Variants in TXNDC16 observed in about 807,000 individuals in gnomAD.
TXNDC16 encodes the protein thioredoxin domain containing 16.
In TXNDC16, 74 loss-of-function variants were observed where a neutral mutation model predicts 85.6. That is an observed-to-expected ratio of 0.86 (90% CI 0.72 to 1.05). The LOEUF (loss-of-function observed/expected upper bound fraction) is 1.05, where lower values mean the gene tolerates loss of function less well. Ranked by LOEUF, TXNDC16 falls within the 50% of genes least tolerant of loss-of-function variation. TXNDC16 has a pLI of 0.00. For synonymous variants in TXNDC16, 335 were observed against 326.5 expected, an observed-to-expected ratio of 1.03 and a Z score of -0.28; for missense variants, 959 against 947.0, an observed-to-expected ratio of 1.01 and a Z score of -0.17.
intron 14 of TXNDC16, among the ~76,000 whole-genome samples, chr14:52,479,999 A>G (rs1199322033): frequency 6.6e-6 from 1 of 152,200 alleles, no homozygotes; most frequent in Non-Finnish European, 1.5e-5. Context: ...TAGAGAACTC[A>G]GAAATAAACC....
chr14:52,466,530 G>A (rs949648188), intron 16 of TXNDC16, among the ~76,000 whole-genome samples: 29 of 151,604 alleles, frequency 1.9e-4, no homozygotes, highest in African/African-American at 7.0e-4. Context: ...CTCTAGTCCT[G>A]GAGAAAATAC....
chr14:52,491,012 T>TTA lies in TXNDC16; in HGVS notation c.757-8_757-7insTA. 23 of 1,369,764 alleles carry TTA rather than the reference T, an allele frequency of 1.7e-5. No homozygotes were observed. The highest frequency in any genetic ancestry group is 1.9e-4 in the Middle Eastern group (1 of 5,146). 84.9% of individuals were successfully genotyped at this position (1,369,764 alleles called of 1,614,324 possible). A position where few individuals can be genotyped will look rare whatever the true frequency, so the allele number is the denominator to read the frequency against. On this transcript the variant is annotated splice_region_variant and splice_polypyrimidine_tract_variant and intron_variant, in intron 9 of 20. Transcript: ENST00000281741. ...GATCTTCAGCAACTTCAGTCTTCAT[T>TTA]GAAAAAAAAAAAAAAAAAAGGTGTG...
At position 52,431,932 on chromosome 14, in the gene TXNDC16, C is replaced by A; in HGVS notation, c.*372G>T. Reference sequence around the variant, plus strand: ...ACTGAACTGTCCAATACAGTAGTCACAGGCCACATGTGGCAAGGAACACTT... The same window carrying A: ...ACTGAACTGTCCAATACAGTAGTCAAAGGCCACATGTGGCAAGGAACACTT... On this transcript the variant is annotated 3_prime_UTR_variant, in exon 21 of 21. Coordinates refer to ENST00000281741, the MANE Select transcript of TXNDC16 (RefSeq NM_020784.3). 5.6e-6 allele frequency: 1 copy of A among 178,034 alleles called. No homozygotes were observed. The highest frequency in any genetic ancestry group is 1.4e-4 in the South Asian group (1 of 7,004). The allele number at this position is 178,034 out of a possible 1,614,324, so 11.0% of individuals were successfully genotyped here. A position where few individuals can be genotyped will look rare whatever the true frequency, so the allele number is the denominator to read the frequency against.
At chr14:52,537,546 A>G (rs1214301093) in intron 5 of TXNDC16, 53 bp downstream of exon 5, 12 of 1,246,866 alleles carry the variant, frequency 9.6e-6, no homozygotes, top group Non-Finnish European at 1.4e-5. Context: ...ATATTTGAAT[A>G]TTCTAGAAGT....
intron 4 of TXNDC16, among the ~76,000 whole-genome samples, chr14:52,538,337 G>A (rs1359818916): frequency 6.6e-6 from 1 of 152,132 alleles, no homozygotes; most frequent in Non-Finnish European, 1.5e-5. Flanking sequence ...CAGAAAGAAT[G>A]AACTAAGTCA....
chr14:52,449,517 C>A (rs1354320340), intron 18 of TXNDC16, among the ~76,000 whole-genome samples: 1 of 152,104 alleles, frequency 6.6e-6, no homozygotes, highest in Non-Finnish European at 1.5e-5. Flanking sequence ...TTTCAACAAC[C>A]CACTTTCAGC....
At chr14:52,514,254 C>G (rs1424177680) in intron 8 of TXNDC16, among the ~76,000 whole-genome samples, 2 of 152,068 alleles carry the variant, frequency 1.3e-5, no homozygotes, top group African/African-American at 4.8e-5. Context: ...CCTGAGAGGT[C>G]AGCAGGAGAG....
intron 1 of TXNDC16, among the ~76,000 whole-genome samples, chr14:52,548,149 T>A (rs2037977035): frequency 6.6e-6 from 1 of 152,200 alleles, no homozygotes. Flanking sequence ...TCCCAACTGA[T>A]CCAGTGTAAA....
Position 52,432,135 on chromosome 14 carries a change from C to G in TXNDC16, c.*169G>C, listed in dbSNP as rs2034912501. ...AATTATTTTGCCCTGCTCACTTTTA[C>G]TTTGTTTAATGTAGTTACTAGAAAA... On this transcript the variant is annotated 3_prime_UTR_variant, in exon 21 of 21. Coordinates refer to ENST00000281741, the MANE Select transcript of TXNDC16 (RefSeq NM_020784.3). The G allele has an allele frequency of 1.8e-6, 1 of 546,264 alleles. No homozygotes were observed. The highest frequency in any genetic ancestry group is 2.0e-5 in the African/African-American group (1 of 50,860). The allele number at this position is 546,264 out of a possible 1,614,324, so 33.8% of individuals were successfully genotyped here.
chr14:52,482,929 C>G lies in TXNDC16; in HGVS notation c.1145G>C (p.Arg382Thr). 6.2e-7 allele frequency: 1 copy of G among 1,610,470 alleles called. No individual in the cohort carries two copies. Among genetic ancestry groups the G allele is most frequent in the Non-Finnish European group, 8.5e-7 (1 of 1,179,244 alleles). ...CAAAGGTAATTTTCTCTTCCTATCTCTGAAAACAGTTTCTGCCACTTCATC... is the reference window on the plus strand; with the variant it reads ...CAAAGGTAATTTTCTCTTCCTATCTGTGAAAACAGTTTCTGCCACTTCATC... The part of the protein sequence containing the change: ...QDDEVAETVF[R>T]DRKRKLPLEL... Residue 382 changes from arginine to threonine, a missense_variant, in exon 13 of 21, where the codon AGA becomes ACA. By Grantham distance (71) the Arg-to-Thr change is moderately conservative (BLOSUM62 -1). Coordinates refer to ENST00000281741, the MANE Select transcript of TXNDC16 (RefSeq NM_020784.3).
chr14:52,491,033 G>C, intron 9 of TXNDC16, 28 bp from the exon 10 acceptor site: 1 of 1,428,454 alleles, frequency 7.0e-7, no homozygotes, highest in East Asian at 2.4e-5. Context: ...AAAAAAAAAG[G>C]TGTGATAACA....
In TXNDC16 at chr14:52,514,816, T is replaced by C. The variant is rs528668713; in HGVS notation, c.605+64A>G. 1.8e-5 allele frequency: 22 copies of C among 1,219,832 alleles called. No individual in the cohort carries two copies. In the East Asian group the frequency reaches 3.8e-4, roughly 21 times the overall value. 75.6% of individuals were successfully genotyped at this position (1,219,832 alleles called of 1,614,324 possible). A position where few individuals can be genotyped will look rare whatever the true frequency, so the allele number is the denominator to read the frequency against. ...GGAGCATAATGGAAATGCTAAGTAA[T>C]GCGAAATAAGTGAAGAAGAAAAAAA... On this transcript the variant is annotated intron_variant, in intron 8 of 20. Transcript: ENST00000281741.
intron 9 of TXNDC16, among the ~76,000 whole-genome samples, chr14:52,497,557 G>T (rs760560013): frequency 1.4e-4 from 22 of 152,148 alleles, no homozygotes; most frequent in Non-Finnish European, 2.5e-4. Flanking sequence ...TATCCCTAAT[G>T]AATATTAAGG....
Position 52,508,236 on chromosome 14 carries a change from C to A in TXNDC16, c.756+3004G>T, listed in dbSNP as rs1438376974. Among the ~76,000 whole-genome samples, 7 of 152,210 alleles carry A rather than the reference C, an allele frequency of 4.6e-5. No individual in the cohort carries two copies. In the East Asian group the frequency reaches 7.7e-4, roughly 17 times the overall value. On this transcript the variant is annotated intron_variant, in intron 9 of 20. Coordinates refer to ENST00000281741, the MANE Select transcript of TXNDC16 (RefSeq NM_020784.3). Reference sequence around the variant, plus strand: ...ATTTACAAGAGAAAAACAAACAACCCCATCAACAAGTGGGCGAAGGATATG... The same window carrying A: ...ATTTACAAGAGAAAAACAAACAACCACATCAACAAGTGGGCGAAGGATATG...
chr14:52,537,814 A>G (rs2274439), intron 4 of TXNDC16, 142 bp from the exon 5 acceptor site: 100 of 583,890 alleles, frequency 1.7e-4, no homozygotes, highest in East Asian at 1.7e-4. Flanking sequence ...TTTGTATGCT[A>G]TAATTGTTCA....
chr14:52,510,445 C>A (rs1374375208), intron 9 of TXNDC16, among the ~76,000 whole-genome samples: 1 of 152,194 alleles, frequency 6.6e-6, no homozygotes, highest in Non-Finnish European at 1.5e-5. Flanking sequence ...CATTAGATAT[C>A]TTTACTATAA....
intron 18 of TXNDC16, among the ~76,000 whole-genome samples, chr14:52,450,124 A>G (rs929024458): frequency 6.6e-6 from 1 of 152,030 alleles, no homozygotes; most frequent in Non-Finnish European, 1.5e-5. Context: ...TGAAGAGAAC[A>G]ATACAAAACA....
At chr14:52,530,305 A>T (rs1163218537) in intron 6 of TXNDC16, among the ~76,000 whole-genome samples, 3 of 47,450 alleles carry the variant, frequency 6.3e-5, no homozygotes, top group South Asian at 1.0e-3. Context: ...TATAATATTA[A>T]TATATAATAT....
At chr14:52,508,893 CG>C (rs1191551083) in intron 9 of TXNDC16, among the ~76,000 whole-genome samples, 2 of 151,890 alleles carry the variant, frequency 1.3e-5, no homozygotes, top group Non-Finnish European at 2.9e-5. Flanking sequence ...CATCACACAC[CG>C]GGGCCTGTTG....
Sources: gnomAD v4.1 joint callset for allele counts (sites outside exome capture counted in the v4.1 genomes callset) on GRCh38, gnomAD v4.1.1 for gene constraint, MANE v1.5 for transcripts, NCBI Gene and HGNC (gene_info 2026-07-23, HGNC 2026-07-21) for gene names.